Variants in CTTNBP2 observed in about 807,000 individuals in gnomAD.
The protein encoded by CTTNBP2 is cortactin binding protein 2.
In CTTNBP2, 108 loss-of-function variants were observed where a neutral mutation model predicts 156.9. That is an observed-to-expected ratio of 0.69 (90% CI 0.59 to 0.81). The LOEUF (loss-of-function observed/expected upper bound fraction) is 0.81. Among genes scored for constraint, CTTNBP2 ranks in the 30% least tolerant of loss-of-function variants. CTTNBP2 has a pLI of 0.00. For missense variants in CTTNBP2, 1,924 were observed against 2,035.4 expected (o/e 0.95, Z 1.05); for synonymous variants, 767 against 751.8 (o/e 1.02, Z -0.33).
intron 4 of CTTNBP2, 121 bp from the exon 5 acceptor site, chr7:117,784,575 G>A: frequency 1.6e-6 from 1 of 611,502 alleles, no homozygotes; most frequent in Non-Finnish European, 2.7e-6. Context: ...AGGATTATGT[G>A]GTTTCTAACA....
intron 14 of CTTNBP2, among the ~76,000 whole-genome samples, chr7:117,737,634 C>T (rs527759156): frequency 4.6e-5 from 7 of 152,194 alleles, no homozygotes; most frequent in Admixed American, 2.0e-4. Context: ...AGTGCAGTGG[C>T]GTGATCTCGG....
Position 117,745,743 on chromosome 7 carries a change from C to T in CTTNBP2, c.3535+88G>A, listed in dbSNP as rs28433845. 2,182 of 856,088 alleles carry T rather than the reference C, an allele frequency of 2.5e-3. 38 individuals are homozygous for T. The African/African-American group carries it at 0.031, about 12-fold the overall frequency. 53.0% of individuals were successfully genotyped at this position (856,088 alleles called of 1,614,324 possible). A position where few individuals can be genotyped will look rare whatever the true frequency, so the allele number is the denominator to read the frequency against. Reference sequence around the variant, plus strand: ...AATTAAAGTTATCTTAAATGTATCCCCAAGCAACACAGTGTATTTTCTCTT... The same window carrying T: ...AATTAAAGTTATCTTAAATGTATCCTCAAGCAACACAGTGTATTTTCTCTT... On this transcript the variant is annotated intron_variant, in intron 14 of 22. Transcript: ENST00000160373.
At chr7:117,820,367 C>T (rs1800887619) in intron 2 of CTTNBP2, among the ~76,000 whole-genome samples, 1 of 152,226 alleles carries the variant, frequency 6.6e-6, no homozygotes, top group Non-Finnish European at 1.5e-5. Flanking sequence ...TAGATCTTTA[C>T]TTCCAGAGAA....
chr7:117,760,520 C>T lies in CTTNBP2; in HGVS notation c.3087G>A (p.Trp1029Ter), dbSNP rs1738968601. The T allele has an allele frequency of 6.2e-7, 1 of 1,614,010 alleles. No individual in the cohort carries two copies. Reference sequence around the variant, plus strand: ...TGCAAGTCACGTCTTCCAGACTCCACCATCCATCAGAAGAGATTGCCTGGA... The same window carrying T: ...TGCAAGTCACGTCTTCCAGACTCCATCATCCATCAGAAGAGATTGCCTGGA... ...NHFQAISSDG[W>*]WSLEDVTCNN... is the part of the protein sequence containing the mutation. The change falls in exon 10 of 23, where the codon TGG (tryptophan) becomes TGA (stop). Residue 1029 changes from tryptophan (W) to a stop codon, truncating the protein, a stop_gained. Transcript: ENST00000160373. LOFTEE classifies it high-confidence loss of function.
At chr7:117,800,213 A>C (rs989987888) in intron 3 of CTTNBP2, among the ~76,000 whole-genome samples, 7 of 152,056 alleles carry the variant, frequency 4.6e-5, no homozygotes, top group Admixed American at 6.5e-5. Context: ...ACAAAGCTGG[A>C]AGACTAACAG....
intron 1 of CTTNBP2, among the ~76,000 whole-genome samples, chr7:117,862,355 G>T (rs1159231445): frequency 1.3e-5 from 2 of 152,048 alleles, no homozygotes; most frequent in Non-Finnish European, 2.9e-5. Flanking sequence ...TCTCACACAA[G>T]GTTCTTCCAG....
intron 1 of CTTNBP2, among the ~76,000 whole-genome samples, chr7:117,871,266 G>A (rs1488933812): frequency 1.3e-5 from 2 of 152,132 alleles, no homozygotes; most frequent in Non-Finnish European, 2.9e-5. Flanking sequence ...CAGTCTATAG[G>A]TCAAGCGGCT....
chr7:117,833,685 C>T (rs1479825116), intron 2 of CTTNBP2, among the ~76,000 whole-genome samples: 1 of 152,202 alleles, frequency 6.6e-6, no homozygotes, highest in African/African-American at 2.4e-5. Context: ...TACCTGTTTG[C>T]AATTCCATCT....
At position 117,865,227 on chromosome 7, in the gene CTTNBP2, C is replaced by T. The variant is rs894667100; in HGVS notation, c.82-3911G>A. ...TCAGGGCACCATGAAAACATGACCC[C>T]CAAATCCCCAACGCCCCCCAGAAAA... On this transcript the variant is annotated intron_variant, in intron 1 of 22. Transcript: ENST00000160373. Among the ~76,000 whole-genome samples, 43 of 151,400 alleles carry T rather than the reference C, an allele frequency of 2.8e-4. No individual in the cohort carries two copies. The South Asian group carries it at 9.0e-3, about 32-fold the overall frequency.
At chr7:117,846,908 G>A (rs1363174248) in intron 2 of CTTNBP2, among the ~76,000 whole-genome samples, 2 of 151,748 alleles carry the variant, frequency 1.3e-5, no homozygotes, top group East Asian at 3.9e-4. Context: ...TATTAAAGGG[G>A]CAGCTTAACT....
rs761075994 is a variant in CTTNBP2 at position 117,780,529 on chromosome 7, G to T, written c.2435C>A (p.Thr812Lys). ...NINHAADGGQ[T>K]PLYLACKNGN... ...ATTTTTACAGGCCAGGTATAGAGGT[G>T]TCTGTCCTCCATCAGCAGCATGATT... Residue 812 changes from threonine (T) to lysine (K), a missense_variant, in exon 7 of 23, where the codon ACA becomes AAA. By Grantham distance (78) the Thr-to-Lys change is moderately conservative (BLOSUM62 -1). Transcript: ENST00000160373. 6.3e-7 allele frequency: 1 copy of T among 1,594,654 alleles called. No homozygotes were observed. The highest frequency in any genetic ancestry group is 8.6e-7 in the Non-Finnish European group (1 of 1,167,882).
intron 3 of CTTNBP2, among the ~76,000 whole-genome samples, chr7:117,799,190 A>G (rs1286074401): frequency 6.6e-6 from 1 of 151,938 alleles, no homozygotes; most frequent in Admixed American, 6.5e-5. Flanking sequence ...AATTACCTTT[A>G]TACAAAACAA....
intron 17 of CTTNBP2, among the ~76,000 whole-genome samples, chr7:117,726,556 G>C (rs1795105295): frequency 6.6e-6 from 1 of 152,156 alleles, no homozygotes; most frequent in Non-Finnish European, 1.5e-5. Flanking sequence ...TGCACATCTG[G>C]TGTCAGGTTT....
intron 10 of CTTNBP2, among the ~76,000 whole-genome samples, chr7:117,758,382 G>T (rs1584953967): frequency 6.6e-6 from 1 of 151,676 alleles, no homozygotes; most frequent in South Asian, 2.1e-4. Context: ...TGGTCCCTGA[G>T]CCTCTTTCCA....
At chr7:117,864,153 A>C (rs1031585234) in intron 1 of CTTNBP2, among the ~76,000 whole-genome samples, 2 of 152,164 alleles carry the variant, frequency 1.3e-5, no homozygotes, top group African/African-American at 4.8e-5. Flanking sequence ...ACCTACAGCT[A>C]AAACTTCTGT....
intron 12 of CTTNBP2, among the ~76,000 whole-genome samples, chr7:117,755,772 C>A (rs1001785938): frequency 3.9e-5 from 6 of 152,204 alleles, no homozygotes; most frequent in African/African-American, 1.2e-4. Flanking sequence ...TAACAGACCA[C>A]CTGGTTTTAG....
intron 2 of CTTNBP2, among the ~76,000 whole-genome samples, chr7:117,822,268 C>T (rs1801011358): frequency 6.6e-6 from 1 of 151,954 alleles, no homozygotes; most frequent in African/African-American, 2.4e-5. Flanking sequence ...GATTTGCATT[C>T]TTTTTTTCTT....
chr7:117,811,770 G>C (rs904329426), intron 2 of CTTNBP2, among the ~76,000 whole-genome samples: 4 of 151,142 alleles, frequency 2.6e-5, no homozygotes, highest in African/African-American at 9.7e-5. Context: ...AAATCACATG[G>C]ATGTCTGGTA....
intron 3 of CTTNBP2, among the ~76,000 whole-genome samples, chr7:117,794,275 A>G (rs1160637403): frequency 6.6e-6 from 1 of 152,122 alleles, no homozygotes; most frequent in East Asian, 1.9e-4. Flanking sequence ...TGAAGGACAA[A>G]GGACTCACCC....
Sources: allele counts gnomAD v4.1 joint callset (sites outside exome capture counted in the v4.1 genomes callset), GRCh38; gene constraint gnomAD v4.1.1; transcripts MANE v1.5; gene names NCBI Gene and HGNC (gene_info 2026-07-23, HGNC 2026-07-21).